Variants in ZBTB20 observed in about 807,000 individuals in gnomAD.
The protein encoded by ZBTB20 is zinc finger and BTB domain containing 20, also known as zinc finger and BTB domain-containing protein 20.
ZBTB20 carries 9 observed loss-of-function variants against 56.9 expected under a neutral mutation model. The ratio of observed to expected loss-of-function variants is 0.16; its 90% CI spans 0.10 to 0.28. ZBTB20 has a LOEUF of 0.28. Ranked by LOEUF, ZBTB20 falls within the 10% of genes least tolerant of loss-of-function variation. The probability of loss-of-function intolerance (pLI) is 1.00; values close to 1 mark genes in which losing one functional copy is unlikely to be tolerated. For missense variants in ZBTB20, 655 were observed against 1,003.0 expected (o/e 0.65, Z 4.69); for synonymous variants, 417 against 420.7 (o/e 0.99, Z 0.11).
chr3:114,790,757 G>C (rs1254441233), intron 5 of ZBTB20, among the ~76,000 whole-genome samples: 1 of 151,708 alleles, frequency 6.6e-6, no homozygotes, highest in East Asian at 1.9e-4. Flanking sequence ...GACTATCATA[G>C]GGGAGACATA....
At chr3:114,691,191 T>C (rs1350862941) in intron 6 of ZBTB20, among the ~76,000 whole-genome samples, 1 of 152,148 alleles carries the variant, frequency 6.6e-6, no homozygotes, top group African/African-American at 2.4e-5. Flanking sequence ...CAGGATACTA[T>C]GAAGAAAAAT....
chr3:114,520,175 A>G (rs2046468624), intron 6 of ZBTB20: 1 of 152,166 alleles, frequency 6.6e-6, no homozygotes, highest in South Asian at 2.1e-4. Context: ...AATAGAAAGA[A>G]TAAAGATGAC....
At chr3:114,981,852 A>G (rs562073597) in intron 2 of ZBTB20, among the ~76,000 whole-genome samples, 1 of 152,132 alleles carries the variant, frequency 6.6e-6, no homozygotes, top group African/African-American at 2.4e-5. Context: ...GAGTTCTTCA[A>G]TCTTTCATGA....
intron 10 of ZBTB20, among the ~76,000 whole-genome samples, chr3:114,360,358 T>TTTTTTTGAGAC (rs1553798291): frequency 6.6e-6 from 1 of 150,564 alleles, no homozygotes. Context: ...TTTTTTTTTT[T>TTTTTTTGAGAC]TTTGAGACGG....
At chr3:114,800,908 G>A (rs902682774) in intron 5 of ZBTB20, among the ~76,000 whole-genome samples, 193 bp downstream of exon 5, 1 of 151,636 alleles carries the variant, frequency 6.6e-6, no homozygotes, top group African/African-American at 2.4e-5. Flanking sequence ...CACAATTTAG[G>A]TTGGATAAAA....
chr3:115,061,311 G>C (rs1328539487), intron 2 of ZBTB20, among the ~76,000 whole-genome samples: 1 of 152,010 alleles, frequency 6.6e-6, no homozygotes, highest in East Asian at 1.9e-4. Context: ...AGTCATCCCT[G>C]TTTACTTTTC....
At chr3:115,140,052 A>C (rs2084767463) in intron 1 of ZBTB20, among the ~76,000 whole-genome samples, 1 of 152,080 alleles carries the variant, frequency 6.6e-6, no homozygotes, top group South Asian at 2.1e-4. Context: ...CAGTTTCAGT[A>C]ACACTACCAG....
chr3:114,652,954 T>C (rs1404141051), intron 6 of ZBTB20, among the ~76,000 whole-genome samples: 1 of 151,964 alleles, frequency 6.6e-6, no homozygotes, highest in Non-Finnish European at 1.5e-5. Context: ...TATTTGCCGG[T>C]ACTACATAAA....
At chr3:114,632,690 A>G (rs1327839856) in intron 6 of ZBTB20, among the ~76,000 whole-genome samples, 2 of 152,250 alleles carry the variant, frequency 1.3e-5, no homozygotes, top group Non-Finnish European at 2.9e-5. Context: ...GACATATAAT[A>G]TTAATGCAGA....
intron 7 of ZBTB20, among the ~76,000 whole-genome samples, chr3:114,420,147 A>C (rs560606897): frequency 6.6e-6 from 1 of 152,270 alleles, no homozygotes; most frequent in East Asian, 1.9e-4. Flanking sequence ...CTTGATAAAT[A>C]TCCTGGAAGC....
Position 114,656,137 on chromosome 3 carries a change from T to C in ZBTB20, c.-295+37391A>G, listed in dbSNP as rs144522361. Among the ~76,000 whole-genome samples the C allele has an allele frequency of 5.4e-4, 83 of 152,314 alleles. No individual in the cohort carries two copies. In the East Asian group the frequency reaches 0.013, roughly 23 times the overall value. ...CATTAAGAAATGGCATTACATTTAG[T>C]ATGAGGAATGAGTCGATGTTTGATT... On this transcript the variant is annotated intron_variant, in intron 6 of 11. Transcript: ENST00000675478.
In ZBTB20 at chr3:114,854,218, T is replaced by C. The variant is rs2075136827; in HGVS notation, c.-417+46086A>G. On this transcript the variant is annotated intron_variant, in intron 4 of 11. Coordinates refer to ENST00000675478, the MANE Select transcript of ZBTB20 (RefSeq NM_001348800.3). Reference sequence around the variant, plus strand: ...AGTTTTCTGTGAGTGGAAAATGACATAATATGTGTCAAAATACTTTGTATA... The same window carrying C: ...AGTTTTCTGTGAGTGGAAAATGACACAATATGTGTCAAAATACTTTGTATA... Among the ~76,000 whole-genome samples, 2 of 152,152 alleles carry C rather than the reference T, an allele frequency of 1.3e-5. 1 individual carries two copies. Among genetic ancestry groups the C allele is most frequent in the South Asian group, 4.1e-4 (2 of 4,836 alleles).
chr3:114,614,227 C>G (rs151195265), intron 6 of ZBTB20, among the ~76,000 whole-genome samples: 1 of 152,244 alleles, frequency 6.6e-6, no homozygotes, highest in East Asian at 1.9e-4. Context: ...CTTACCAGAG[C>G]AGTAGCCATT....
At chr3:115,014,226 A>G (rs1489725677) in intron 2 of ZBTB20, among the ~76,000 whole-genome samples, 1 of 151,716 alleles carries the variant, frequency 6.6e-6, no homozygotes, top group Admixed American at 6.6e-5. Flanking sequence ...ATTGAACCAT[A>G]GAGATAAAGA....
At position 114,338,805 on chromosome 3, in the gene ZBTB20, A is replaced by G. The variant is rs914295700; in HGVS notation, c.*200T>C. The G allele has an allele frequency of 1.8e-6, 1 of 540,864 alleles. No individual in the cohort carries two copies. The highest frequency in any genetic ancestry group is 3.7e-5 in the Admixed American group (1 of 26,680). The allele number at this position is 540,864 out of a possible 1,614,324, so 33.5% of individuals were successfully genotyped here. ...AGGGAGACTGGGAAAACTATTATTC[A>G]CCCAAGCCTCCGGAAATGTAATGTA... On this transcript the variant is annotated 3_prime_UTR_variant, in exon 12 of 12. Coordinates refer to ENST00000675478, the MANE Select transcript of ZBTB20 (RefSeq NM_001348800.3).
intron 2 of ZBTB20, among the ~76,000 whole-genome samples, chr3:115,018,914 G>A (rs2080089862): frequency 6.6e-6 from 1 of 151,244 alleles, no homozygotes; most frequent in African/African-American, 2.4e-5. Context: ...CTTCATATCA[G>A]ATCTGCTCTT....
chr3:114,410,022 A>T (rs137905778), intron 7 of ZBTB20, among the ~76,000 whole-genome samples: 2 of 152,138 alleles, frequency 1.3e-5, no homozygotes, highest in African/African-American at 2.4e-5. Context: ...GCCTTTATCG[A>T]AGTCTGGGTG....
At chr3:114,873,314 T>C (rs1307130687) in intron 4 of ZBTB20, 1 of 152,132 alleles carries the variant, frequency 6.6e-6, no homozygotes, top group African/African-American at 2.4e-5. Flanking sequence ...CACGGTTTAG[T>C]GAAGGAATTA....
intron 5 of ZBTB20, among the ~76,000 whole-genome samples, chr3:114,749,956 A>G (rs759536982): frequency 1.3e-5 from 2 of 152,322 alleles, no homozygotes; most frequent in Middle Eastern, 3.4e-3. Context: ...TTCAGCCAGG[A>G]CTGTTGCTCT....
Sources: allele counts gnomAD v4.1 joint callset (sites outside exome capture counted in the v4.1 genomes callset), GRCh38; gene constraint gnomAD v4.1.1; transcripts MANE v1.5; gene names NCBI Gene and HGNC (gene_info 2026-07-23, HGNC 2026-07-21).